ATP11A: variants seen among roughly 807,000 people sequenced by gnomAD.
ATP11A encodes ATPase phospholipid transporting 11A, also known as phospholipid-transporting ATPase IH.
A neutral mutation model predicts 154.4 loss-of-function variants in ATP11A; 81 were observed. That is an observed-to-expected ratio of 0.52 (90% confidence interval 0.44 to 0.63). The LOEUF is 0.63. Among genes scored for constraint, ATP11A ranks in the 30% least tolerant of loss-of-function variants. The pLI, the probability that ATP11A is intolerant of heterozygous loss-of-function variation, is 0.00. For synonymous variants in ATP11A, 623 were observed against 585.9 expected, an observed-to-expected ratio of 1.06 and a Z score of -0.91; for missense variants, 1,316 against 1,474.3, an observed-to-expected ratio of 0.89 and a Z score of 1.76.
chr13:112,801,500 C>CT (rs1224250598), intron 2 of ATP11A, among the ~76,000 whole-genome samples: 2 of 152,236 alleles, frequency 1.3e-5, no homozygotes, highest in African/African-American at 4.8e-5. Flanking sequence ...AGGAATAAGA[C>CT]TATCTTTGTT....
chr13:112,736,150 G>A (rs956565476), intron 1 of ATP11A, among the ~76,000 whole-genome samples: 19 of 152,158 alleles, frequency 1.2e-4, no homozygotes, highest in African/African-American at 4.6e-4. Flanking sequence ...ATGGACAGAG[G>A]GTGAGAACTC....
intron 1 of ATP11A, among the ~76,000 whole-genome samples, chr13:112,701,028 A>G (rs1188490394): frequency 6.6e-6 from 1 of 152,120 alleles, no homozygotes; most frequent in Non-Finnish European, 1.5e-5. Context: ...GGATCAGCCG[A>G]CCCCAGGTCG....
intron 25 of ATP11A, among the ~76,000 whole-genome samples, chr13:112,863,946 C>G (rs7330602): frequency 0.09 from 4,367 of 48,604 alleles, 768 homozygotes; most frequent in African/African-American, 0.32. Context: ...CCATCACCAC[C>G]TGCGCAGTAA....
chr13:112,873,742 G>C, intron 27 of ATP11A, 66 bp downstream of exon 27: 1 of 1,485,682 alleles, frequency 6.7e-7, no homozygotes, highest in Non-Finnish European at 9.3e-7. Flanking sequence ...TTTATCAAGG[G>C]TTGAAGACAC....
chr13:112,881,153 C>T (rs1295392014), intron 29 of ATP11A: 1 of 987,666 alleles, frequency 1.0e-6, no homozygotes, highest in Admixed American at 6.0e-5. Flanking sequence ...GCCGCTGCCC[C>T]CTGGTCTAAA....
intron 27 of ATP11A, among the ~76,000 whole-genome samples, chr13:112,874,358 G>A (rs921430009): frequency 1.3e-5 from 2 of 152,246 alleles, no homozygotes; most frequent in South Asian, 4.1e-4. Flanking sequence ...GGCTGTCGTG[G>A]TCAGTCGAGG....
At chr13:112,821,963 C>T (rs562626624) in intron 8 of ATP11A, among the ~76,000 whole-genome samples, 17 of 152,298 alleles carry the variant, frequency 1.1e-4, no homozygotes, top group South Asian at 2.1e-4. Flanking sequence ...GGGGAGGACG[C>T]GCGTGGAGCC....
At position 112,832,067 on chromosome 13, in the gene ATP11A, A is replaced by G. The variant is rs182451909; in HGVS notation, c.1395+519A>G. Among the ~76,000 whole-genome samples, 445 of 152,178 alleles carry G rather than the reference A, an allele frequency of 2.9e-3. 3 individuals carry two copies. The highest frequency in any genetic ancestry group is 9.4e-3 in the African/African-American group (390 of 41,534). ...CCTGACACTGTGTGCACACATGCTCACATGCAGACACACACGTACTCTCAC... is the reference window on the plus strand; with the variant it reads ...CCTGACACTGTGTGCACACATGCTCGCATGCAGACACACACGTACTCTCAC... On this transcript the variant is annotated intron_variant, in intron 13 of 29. Transcript: ENST00000375645.
Position 112,800,974 on chromosome 13 carries a change from CAG to C in ATP11A, c.163-3980_163-3979del, listed in dbSNP as rs144256080. Among the ~76,000 whole-genome samples, 97 of 152,292 alleles carry C rather than the reference CAG, an allele frequency of 6.4e-4. No individual in the cohort carries two copies. In the East Asian group the frequency reaches 0.018, roughly 28 times the overall value. ...CTCATGTACTGCAGCAAACTAAAAA[CAG>C]AGGGGAATTTCCTGAGCTTCATAAA... On this transcript the variant is annotated intron_variant, in intron 2 of 29. Coordinates refer to ENST00000375645, the MANE Select transcript of ATP11A (RefSeq NM_015205.3).
At position 112,690,447 on chromosome 13, in the gene ATP11A, C is replaced by T; in HGVS notation, c.31C>T (p.His11Tyr). 1 of 1,357,924 alleles carries T rather than the reference C, an allele frequency of 7.4e-7. No homozygotes were observed. The highest frequency in any genetic ancestry group is 9.5e-7 in the Non-Finnish European group (1 of 1,052,980). 84.1% of individuals were successfully genotyped at this position (1,357,924 alleles called of 1,614,324 possible). The change falls in exon 1 of 30, where the codon CAC becomes TAC. Residue 11 changes from histidine (H) to tyrosine (Y), a missense_variant. Around this residue, in one of 5 missense-constraint regions of ATP11A, gnomAD observed 123 missense variants for 113.7 expected, o/e 1.08. Coordinates refer to ENST00000375645, the MANE Select transcript of ATP11A (RefSeq NM_015205.3). This position sits in a 1 kb window ranked among gnomAD's most constrained non-coding sequence, Gnocchi z 5.6. Reference sequence around the variant, plus strand: ...CTGCAGCCTCGTGCGGACGCTCGTGCACAGATACGTGAGTGCTCCCGGCGC... The same window carrying T: ...CTGCAGCCTCGTGCGGACGCTCGTGTACAGATACGTGAGTGCTCCCGGCGC... The part of the protein sequence containing the change: MDCSLVRTLV[H>Y]RYCAGEENWV...
At chr13:112,712,179 A>G (rs1004406784) in intron 1 of ATP11A, among the ~76,000 whole-genome samples, 2 of 152,164 alleles carry the variant, frequency 1.3e-5, no homozygotes, top group Admixed American at 6.5e-5. Flanking sequence ...GCTTGAAAAT[A>G]GCACAGATGC....
Position 112,785,157 on chromosome 13 carries a change from T to C in ATP11A, c.62T>C (p.Val21Ala). ...HRYCAGEENW[V>A]DSRTIYVGHR... ...CAGTGTGCAGGAGAAGAGAATTGGG[T>C]GGACAGCAGGACCATCTACGTGGGA... is the stretch of plus-strand genomic sequence containing the variant. The change falls in exon 2 of 30, where the codon GTG becomes GCG. Residue 21 changes from valine to alanine, a missense_variant. Around this residue, in one of 5 missense-constraint regions of ATP11A, gnomAD observed 123 missense variants for 113.7 expected, o/e 1.08. Transcript: ENST00000375645. The surrounding 1 kb of genome is among the most constrained non-coding windows in gnomAD (Gnocchi z 4.8). 6.4e-7 allele frequency: 1 copy of C among 1,562,058 alleles called. No homozygotes were observed. Among genetic ancestry groups the C allele is most frequent in the Non-Finnish European group, 8.7e-7 (1 of 1,155,152 alleles).
At chr13:112,835,565 C>T (rs2079210276) in intron 15 of ATP11A, among the ~76,000 whole-genome samples, 1 of 152,200 alleles carries the variant, frequency 6.6e-6, no homozygotes, top group Admixed American at 6.5e-5. Flanking sequence ...TGAGAGCCCC[C>T]ATCAGGGCTC....
At chr13:112,835,261 G>A (rs1466902333) in intron 15 of ATP11A, among the ~76,000 whole-genome samples, 3 of 152,242 alleles carry the variant, frequency 2.0e-5, no homozygotes, top group Non-Finnish European at 4.4e-5. Context: ...TGACTCAGGA[G>A]AGGGGGTGGT....
At chr13:112,711,205 AAAAAT>A (rs1887708822) in intron 1 of ATP11A, among the ~76,000 whole-genome samples, 1 of 152,234 alleles carries the variant, frequency 6.6e-6, no homozygotes, top group South Asian at 2.1e-4. Context: ...CCATTTAAAA[AAAAAT>A]GCTGAAATTT....
At chr13:112,867,493 G>T (rs2080374719) in intron 25 of ATP11A, among the ~76,000 whole-genome samples, 1 of 152,220 alleles carries the variant, frequency 6.6e-6, no homozygotes, top group Admixed American at 6.5e-5. Flanking sequence ...TGAATGAGGT[G>T]CTGGCAACGC....
Position 112,875,833 on chromosome 13 carries a change from G to T in ATP11A, c.3219G>T (p.Gly1073=), listed in dbSNP as rs1212536370. ...TGTTCATCCAGATGCTGTCCAGCGG[G>T]CCCGCCTGGCTGGCCATCGTGCTGC... The part of the protein sequence containing the change: ...YYVFIQMLSS[G]PAWLAIVLLV... Residue 1073 remains glycine, a synonymous_variant, in exon 28 of 30, where the codon GGG becomes GGT. Transcript: ENST00000375645. This position sits in a 1 kb window ranked among gnomAD's most constrained non-coding sequence, Gnocchi z 4.1. 1.2e-6 allele frequency: 2 copies of T among 1,613,810 alleles called. No individual in the cohort carries two copies.
intron 1 of ATP11A, among the ~76,000 whole-genome samples, chr13:112,778,904 ACTGGAGTGAGTAGCCG>A (rs1293155256): frequency 1.6e-4 from 5 of 31,446 alleles, no homozygotes; most frequent in African/African-American, 6.3e-4. Context: ...AGGAGTAGCC[ACTGGAGTGAGTAGCCG>A]CTGGAGTGAG....
At chr13:112,805,667 T>C (rs181810948) in intron 3 of ATP11A, among the ~76,000 whole-genome samples, 2 of 119,978 alleles carry the variant, frequency 1.7e-5, no homozygotes, top group Admixed American at 9.9e-5. Flanking sequence ...AGAGCGAGAC[T>C]GTCTCAAAAA....
Sources: gnomAD v4.1 joint callset for allele counts (sites outside exome capture counted in the v4.1 genomes callset) on GRCh38, gnomAD v4.1.1 for gene constraint, gnomAD v4.1.1 regional missense constraint, Gnocchi (gnomAD v3.1) non-coding constraint, MANE v1.5 for transcripts, NCBI Gene and HGNC (gene_info 2026-07-23, HGNC 2026-07-21) for gene names.